UBE2S: variants seen among roughly 807,000 people sequenced by gnomAD.
The protein encoded by UBE2S is ubiquitin conjugating enzyme E2 S.
UBE2S carries 3 observed loss-of-function variants against 12.3 expected under a neutral mutation model. That is an observed-to-expected ratio of 0.24 (90% CI 0.11 to 0.63). UBE2S has a LOEUF of 0.63. UBE2S is among the 30% of genes least tolerant of loss of function. The pLI is 0.85. For synonymous variants in UBE2S, 133 were observed against 142.0 expected (o/e 0.94, Z 0.45); for missense variants, 211 against 313.9 (o/e 0.67, Z 2.48).
rs2090106652 is a variant in UBE2S, at chr19:55,407,756, ACCCGCCGC to A, written c.-175_-168del. 1 of 425,060 alleles carries A rather than the reference ACCCGCCGC, an allele frequency of 2.4e-6. No homozygotes were observed. The highest frequency in any genetic ancestry group is 2.1e-5 in the African/African-American group (1 of 47,922). The allele number at this position is 425,060 out of a possible 1,614,324, so 26.3% of individuals were successfully genotyped here. A position where few individuals can be genotyped will look rare whatever the true frequency, so the allele number is the denominator to read the frequency against. ...CGTCCGCCGCGCACAGCGTAGACCA[ACCCGCCGC>A]CCCGGTGCCCGGCAGCACTGAGCCG... On this transcript the variant is annotated 5_prime_UTR_variant, in exon 1 of 4. Coordinates refer to ENST00000264552, the MANE Select transcript of UBE2S (RefSeq NM_014501.3).
chr19:55,407,547 A>AC, intron 1 of UBE2S, 40 bp downstream of exon 1: 1 of 1,519,638 alleles, frequency 6.6e-7, no homozygotes, highest in Non-Finnish European at 8.8e-7. Context: ...CCTCAGGGAC[A>AC]CCCCCGACCA....
intron 3 of UBE2S, among the ~76,000 whole-genome samples, chr19:55,403,517 GAAGAAAGAAAAAGGA>G (rs529801426): frequency 0.01 from 1,528 of 148,646 alleles, 24 homozygotes; most frequent in South Asian, 0.054. Context: ...GAAAGAAAGG[GAAGAAAGAAAAAGGA>G]AAGAAAGAAG....
intron 1 of UBE2S, among the ~76,000 whole-genome samples, chr19:55,407,203 C>G (rs891816162): frequency 6.6e-6 from 1 of 150,618 alleles, no homozygotes; most frequent in Admixed American, 6.6e-5. Context: ...GAACCCCCCC[C>G]CCAAAGCCCG....
intron 3 of UBE2S, among the ~76,000 whole-genome samples, chr19:55,403,501 AGAAAG>A (rs1569048998): frequency 8.1e-6 from 1 of 123,444 alleles, no homozygotes; most frequent in African/African-American, 3.8e-5. Context: ...ACAAAAAGAA[AGAAAG>A]GAAAGAAAGG....
chr19:55,406,659 A>AT (rs1335382501), intron 2 of UBE2S, among the ~76,000 whole-genome samples, 156 bp downstream of exon 2: 2 of 152,360 alleles, frequency 1.3e-5, no homozygotes, highest in South Asian at 4.1e-4. Flanking sequence ...AAAAGAGTAC[A>AT]TAATTGTCAT....
Position 55,407,744 on chromosome 19 carries a change from C to G in UBE2S, c.-155G>C, listed in dbSNP as rs1458096263. 5 of 480,844 alleles carry G rather than the reference C, an allele frequency of 1.0e-5. No homozygotes were observed. Among genetic ancestry groups the G allele is most frequent in the Admixed American group, 4.7e-5 (1 of 21,344 alleles). 29.8% of individuals were successfully genotyped at this position (480,844 alleles called of 1,614,324 possible). ...CGCTGCCTCCGACGTCCGCCGCGCA[C>G]AGCGTAGACCAACCCGCCGCCCCGG... is the stretch of plus-strand genomic sequence containing the variant. On this transcript the variant is annotated 5_prime_UTR_variant, in exon 1 of 4. Coordinates refer to ENST00000264552, the MANE Select transcript of UBE2S (RefSeq NM_014501.3).
chr19:55,407,091 G>A, intron 1 of UBE2S, 129 bp from the exon 2 acceptor site: 3 of 1,174,548 alleles, frequency 2.6e-6, no homozygotes, highest in South Asian at 3.4e-5. Flanking sequence ...TGAACTCCCA[G>A]ACCCTCACCC....
chr19:55,404,750 G>C lies in UBE2S; in HGVS notation c.152-272C>G, dbSNP rs1022971827. Among the ~76,000 whole-genome samples the C allele has an allele frequency of 6.6e-6, 1 of 152,110 alleles. No homozygotes were observed. Among genetic ancestry groups the C allele is most frequent in the Non-Finnish European group, 1.5e-5 (1 of 68,012 alleles). On this transcript the variant is annotated intron_variant, in intron 2 of 3. Transcript: ENST00000264552. This position sits in a 1 kb window ranked among gnomAD's most constrained non-coding sequence, Gnocchi z 4.4. The stretch of plus-strand genomic sequence containing the variant: ...CAGCCTGCCAAGTAGCTGGGATTAC[G>C]GGCATGCCACCAGGTCTGGCTACTT...
At chr19:55,402,522 T>G (rs2090067755) in intron 3 of UBE2S, among the ~76,000 whole-genome samples, 1 of 152,196 alleles carries the variant, frequency 6.6e-6, no homozygotes, top group Non-Finnish European at 1.5e-5. Context: ...GAAGTGGGTC[T>G]GGGCAAACTG....
In UBE2S at chr19:55,401,188, C is replaced by CT; in HGVS notation, c.*247dup. ...GGACCCACTGCTGCAGTCCATGAGG[C>CT]TTTACAAGGACCCAGGGCCTGTGCA... On this transcript the variant is annotated 3_prime_UTR_variant, in exon 4 of 4. Coordinates refer to ENST00000264552, the MANE Select transcript of UBE2S (RefSeq NM_014501.3). 1.8e-6 allele frequency: 1 copy of CT among 570,948 alleles called. No homozygotes were observed. Among genetic ancestry groups the CT allele is most frequent in the Non-Finnish European group, 3.1e-6 (1 of 324,710 alleles). 35.4% of individuals were successfully genotyped at this position (570,948 alleles called of 1,614,324 possible).
rs2090057565 is a variant in UBE2S at position 55,401,480 on chromosome 19, C to T, written c.625G>A (p.Ala209Thr). The change falls in exon 4 of 4, where the codon GCC becomes ACC. Residue 209 changes from alanine to threonine, a missense_variant. Physicochemically the swap from Ala to Thr is moderately conservative, Grantham distance 58. Coordinates refer to ENST00000264552, the MANE Select transcript of UBE2S (RefSeq NM_014501.3). ...HAGERDKKLAAKKKTDKKRAL... is the reference protein window; with the variant it reads ...HAGERDKKLATKKKTDKKRAL... ...CGCTTCTTGTCCGTCTTTTTCTTGG[C>T]CGCCAGCTTCTTATCGCGCTCGCCA... is the stretch of plus-strand genomic sequence containing the variant. 11 of 1,608,284 alleles carry T rather than the reference C, an allele frequency of 6.8e-6. No individual in the cohort carries two copies. The highest frequency in any genetic ancestry group is 8.5e-6 in the Non-Finnish European group (10 of 1,179,680).
Position 55,401,153 on chromosome 19 carries a change from T to G in UBE2S, c.*283A>C. 7 of 485,254 alleles carry G rather than the reference T, an allele frequency of 1.4e-5. No homozygotes were observed. Among genetic ancestry groups the G allele is most frequent in the Admixed American group, 3.9e-5 (1 of 25,622 alleles). 30.1% of individuals were successfully genotyped at this position (485,254 alleles called of 1,614,324 possible). On this transcript the variant is annotated 3_prime_UTR_variant, in exon 4 of 4. Coordinates refer to ENST00000264552, the MANE Select transcript of UBE2S (RefSeq NM_014501.3). ...CCCAAACCTCAAACAGCAAGGCTGG[T>G]GAGCTAGATGGACCCACTGCTGCAG...
At chr19:55,401,838 TCC>T in intron 3 of UBE2S, 76 bp from the exon 4 acceptor site, 2 of 1,504,398 alleles carry the variant, frequency 1.3e-6, no homozygotes, top group South Asian at 1.1e-5. Flanking sequence ...GAGGGTGGCC[TCC>T]GCACTGGCTG....
chr19:55,403,539 G>GAAGA (rs1462531890), intron 3 of UBE2S, among the ~76,000 whole-genome samples: 2 of 151,792 alleles, frequency 1.3e-5, no homozygotes, highest in Non-Finnish European at 2.9e-5. Flanking sequence ...AGGAAAGAAA[G>GAAGA]AAGAAAGAAA....
Sources: gnomAD v4.1 joint callset for allele counts (sites outside exome capture counted in the v4.1 genomes callset) on GRCh38, gnomAD v4.1.1 for gene constraint, Gnocchi (gnomAD v3.1) non-coding constraint, MANE v1.5 for transcripts, NCBI Gene and HGNC (gene_info 2026-07-23, HGNC 2026-07-21) for gene names.